Variants in MACROH2A1 observed in about 807,000 individuals in gnomAD.
MACROH2A1 encodes the protein core histone macro-H2A.1.
In MACROH2A1, 2 loss-of-function variants were observed where a neutral mutation model predicts 31.6. The observed-to-expected ratio is 0.06, with a 90% CI of 0.03 to 0.20. MACROH2A1 has a LOEUF of 0.20. Ranked by LOEUF, MACROH2A1 falls within the 10% of genes least tolerant of loss-of-function variation. MACROH2A1 has a pLI of 1.00. For synonymous variants in MACROH2A1, 169 were observed against 189.6 expected (o/e 0.89, Z 0.89); for missense variants, 230 against 474.0 (o/e 0.49, Z 4.78).
intron 4 of MACROH2A1, among the ~76,000 whole-genome samples, chr5:135,366,674 C>A (rs1443756470): frequency 6.6e-6 from 1 of 151,910 alleles, no homozygotes; most frequent in Non-Finnish European, 1.5e-5. Context: ...GACATAAAAA[C>A]TCACTGAGTG....
In MACROH2A1 at chr5:135,341,737, A is replaced by G. The variant is rs917736041; in HGVS notation, c.953+1523T>C. Reference sequence around the variant, plus strand: ...AATCACGAGGCCTGCCTAAGCGGAAAATGGCAAAATCTACTCTCTATCCTC... The same window carrying G: ...AATCACGAGGCCTGCCTAAGCGGAAGATGGCAAAATCTACTCTCTATCCTC... On this transcript the variant is annotated intron_variant, in intron 8 of 8. Transcript: ENST00000511689. 9.8e-5 allele frequency among the ~76,000 whole-genome samples: 15 copies of G among 152,360 alleles called. No homozygotes were observed. In the East Asian group the frequency reaches 2.9e-3, roughly 29 times the overall value.
chr5:135,366,329 A>C (rs1763495909), intron 4 of MACROH2A1, among the ~76,000 whole-genome samples: 1 of 152,224 alleles, frequency 6.6e-6, no homozygotes, highest in Non-Finnish European at 1.5e-5. Flanking sequence ...ATGCAGAGAC[A>C]TGGAAGGACT....
At chr5:135,344,349 G>C (rs1232752377) in intron 7 of MACROH2A1, 2 of 151,962 alleles carry the variant, frequency 1.3e-5, no homozygotes, top group Non-Finnish European at 2.9e-5. Flanking sequence ...CAAACTTTTT[G>C]TATTTGGTTG....
At chr5:135,363,043 C>T (rs2149812850) in intron 4 of MACROH2A1, 1 of 152,244 alleles carries the variant, frequency 6.6e-6, no homozygotes, top group South Asian at 2.1e-4. Context: ...GAAAACTGCT[C>T]CCTTTCCCTA....
intron 8 of MACROH2A1, among the ~76,000 whole-genome samples, chr5:135,342,071 AAG>A (rs1759982132): frequency 6.6e-6 from 1 of 152,208 alleles, no homozygotes; most frequent in African/African-American, 2.4e-5. Flanking sequence ...ACAGCCTCTA[AAG>A]GCCAGTTTCT....
chr5:135,351,543 A>ATTTTTTTTTTTTTTTTTTTGTTTTTT (rs1761553480), intron 6 of MACROH2A1: 1 of 48,480 alleles, frequency 2.1e-5, no homozygotes, highest in Non-Finnish European at 4.0e-5. Flanking sequence ...TTATGGTTTA[A>ATTTTTTTTTTTTTTTTTTTGTTTTTT]TTTTTTTTTT....
chr5:135,355,046 T>C, intron 5 of MACROH2A1: 1 of 455,882 alleles, frequency 2.2e-6, no homozygotes, highest in African/African-American at 2.0e-5. Context: ...TCCAATTGTA[T>C]AGATGCTTCT....
intron 4 of MACROH2A1, among the ~76,000 whole-genome samples, chr5:135,366,368 C>T (rs1763502063): frequency 6.6e-6 from 1 of 152,170 alleles, no homozygotes; most frequent in Non-Finnish European, 1.5e-5. Context: ...GCAGTGAACA[C>T]AGGTGCCAGA....
chr5:135,359,867 CA>C (rs1332140183), intron 5 of MACROH2A1: 1 of 983,396 alleles, frequency 1.0e-6, no homozygotes, highest in Non-Finnish European at 1.2e-6. Context: ...GCCTTTGCAT[CA>C]TTTTTATTTT....
intron 4 of MACROH2A1, chr5:135,362,613 A>C (rs975844613): frequency 6.6e-6 from 1 of 152,166 alleles, no homozygotes. Context: ...TGAACTAGTT[A>C]GGGGGAAAAA....
intron 2 of MACROH2A1, among the ~76,000 whole-genome samples, chr5:135,379,749 G>A (rs1765397856): frequency 6.6e-6 from 1 of 152,170 alleles, no homozygotes. Flanking sequence ...CAGTGACAAA[G>A]TGTTAATAGC....
chr5:135,399,209 G>C lies in MACROH2A1; in HGVS notation c.-181C>G, dbSNP rs1245009918. On this transcript the variant is annotated 5_prime_UTR_variant, in exon 1 of 9. Coordinates refer to ENST00000511689, the MANE Select transcript of MACROH2A1 (RefSeq NM_138610.3). The surrounding 1 kb of genome is among the most constrained non-coding windows in gnomAD (Gnocchi z 4.5). Reference sequence around the variant, plus strand: ...CGGCCCGCGCTCTCCCCCTCCGCCCGGCGCCGCTGCCGAGTGAACTGGAAC... The same window carrying C: ...CGGCCCGCGCTCTCCCCCTCCGCCCCGCGCCGCTGCCGAGTGAACTGGAAC... The C allele has an allele frequency of 6.6e-6, 1 of 152,036 alleles. No homozygotes were observed. Among genetic ancestry groups the C allele is most frequent in the Non-Finnish European group, 1.5e-5 (1 of 68,158 alleles). 9.4% of individuals were successfully genotyped at this position (152,036 alleles called of 1,614,324 possible).
intron 2 of MACROH2A1, among the ~76,000 whole-genome samples, chr5:135,380,779 GATTT>G (rs1365382487): frequency 1.3e-5 from 2 of 152,054 alleles, no homozygotes; most frequent in Admixed American, 1.3e-4. Flanking sequence ...TTATTTTCTA[GATTT>G]ATTTTTAAAT....
chr5:135,388,788 C>A, intron 2 of MACROH2A1, 134 bp downstream of exon 2: 1 of 682,014 alleles, frequency 1.5e-6, no homozygotes, highest in East Asian at 2.8e-5. Context: ...GAAAATGTTC[C>A]TTGTACTCTT....
At chr5:135,365,681 T>A (rs1195712249) in intron 4 of MACROH2A1, among the ~76,000 whole-genome samples, 1 of 152,230 alleles carries the variant, frequency 6.6e-6, no homozygotes, top group African/African-American at 2.4e-5. Flanking sequence ...TGAGGCAGTT[T>A]TTGAGATTAA....
intron 2 of MACROH2A1, among the ~76,000 whole-genome samples, chr5:135,380,585 G>A (rs1190997945): frequency 6.6e-6 from 1 of 152,124 alleles, no homozygotes; most frequent in Non-Finnish European, 1.5e-5. Flanking sequence ...CAGGATCCAG[G>A]CAGGCCTCAA....
At chr5:135,338,311 C>A (rs1391169825) in intron 8 of MACROH2A1, among the ~76,000 whole-genome samples, 1 of 152,160 alleles carries the variant, frequency 6.6e-6, no homozygotes, top group East Asian at 1.9e-4. Flanking sequence ...GGTCCCACTT[C>A]GGTGCCTTGT....
chr5:135,357,278 T>C (rs192699546), intron 5 of MACROH2A1: 4 of 152,386 alleles, frequency 2.6e-5, no homozygotes, highest in African/African-American at 7.2e-5. Flanking sequence ...CTTCATGGCT[T>C]TGTCAGTTTC....
chr5:135,368,578 C>G (rs1763806372), intron 4 of MACROH2A1, among the ~76,000 whole-genome samples: 1 of 152,236 alleles, frequency 6.6e-6, no homozygotes, highest in Non-Finnish European at 1.5e-5. Context: ...CCTCAAGATT[C>G]CATTTTCTTA....
Sources: gnomAD v4.1 joint callset for allele counts (sites outside exome capture counted in the v4.1 genomes callset) on GRCh38, gnomAD v4.1.1 for gene constraint, Gnocchi (gnomAD v3.1) non-coding constraint, MANE v1.5 for transcripts, NCBI Gene and HGNC (gene_info 2026-07-23, HGNC 2026-07-21) for gene names.